The following HIP1 variants were observed in gnomAD, a reference collection of about 807,000 sequenced individuals.
The protein encoded by HIP1 is huntingtin interacting protein 1.
Under a neutral mutation model 147.6 loss-of-function variants are expected in HIP1, and 65 were observed. The observed-to-expected ratio is 0.44, with a 90% CI of 0.36 to 0.54. The LOEUF (loss-of-function observed/expected upper bound fraction) is 0.54, where lower values mean the gene tolerates loss of function less well. HIP1 is among the 20% of genes least tolerant of loss of function. The pLI is 0.00. For synonymous variants in HIP1, 479 were observed against 504.0 expected (o/e 0.95, Z 0.67); for missense variants, 1,061 against 1,299.6 (o/e 0.82, Z 2.82).
intron 5 of HIP1, among the ~76,000 whole-genome samples, chr7:75,584,626 C>G (rs1796184527): frequency 6.6e-6 from 1 of 152,042 alleles, no homozygotes; most frequent in Admixed American, 6.6e-5. Flanking sequence ...GCTATTGGCA[C>G]CAGCTGCTTC....
chr7:75,553,764 C>G (rs587681200), intron 21 of HIP1, among the ~76,000 whole-genome samples, 175 bp from the exon 22 acceptor site: 2 of 152,078 alleles, frequency 1.3e-5, no homozygotes, highest in Non-Finnish European at 2.9e-5. Context: ...CCACCATGCC[C>G]GGCTAATTTT....
intron 9 of HIP1, among the ~76,000 whole-genome samples, chr7:75,564,421 A>C (rs1455742078): frequency 6.6e-6 from 1 of 151,566 alleles, no homozygotes; most frequent in Non-Finnish European, 1.5e-5. Flanking sequence ...CAGCCTGCTG[A>C]GTTGCTGGGA....
chr7:75,555,324 C>T (rs1207480232), intron 19 of HIP1, 92 bp downstream of exon 19: 1 of 1,471,920 alleles, frequency 6.8e-7, no homozygotes, highest in Non-Finnish European at 9.4e-7. Flanking sequence ...GGGCTGAGAG[C>T]CCCTGAGCTA....
At chr7:75,569,938 A>C (rs1180062241) in intron 8 of HIP1, among the ~76,000 whole-genome samples, 1 of 145,648 alleles carries the variant, frequency 6.9e-6, no homozygotes, top group African/African-American at 2.6e-5. Flanking sequence ...TAAAGTACGA[A>C]CTTTTTTTTT....
intron 1 of HIP1, among the ~76,000 whole-genome samples, chr7:75,726,704 T>C (rs1270305289): frequency 8.8e-6 from 1 of 113,078 alleles, no homozygotes; most frequent in African/African-American, 3.0e-5. Context: ...AATGTTTTTC[T>C]TTTTTTTTTT....
At chr7:75,607,038 TG>T in intron 1 of HIP1, among the ~76,000 whole-genome samples, 1 of 151,760 alleles carries the variant, frequency 6.6e-6, no homozygotes, top group African/African-American at 2.4e-5. Context: ...GAGACCAGCC[TG>T]GGCAATAGAG....
chr7:75,608,264 G>A (rs1797301544), intron 1 of HIP1, among the ~76,000 whole-genome samples: 3 of 152,134 alleles, frequency 2.0e-5, no homozygotes, highest in Admixed American at 1.3e-4. Flanking sequence ...CCGAGATCAC[G>A]CCACTGCACT....
In HIP1 at chr7:75,595,255, C is replaced by CTTTCTTTTT. The variant is rs1491555852; in HGVS notation, c.185-2742_185-2741insAAAAAGAAA. 2.4e-3 allele frequency among the ~76,000 whole-genome samples: 161 copies of CTTTCTTTTT among 68,362 alleles called. 3 individuals are homozygous for CTTTCTTTTT. The highest frequency in any genetic ancestry group is 7.5e-3 in the African/African-American group (157 of 20,852). 44.8% of individuals were successfully genotyped at this position (68,362 alleles called of 152,430 possible). A position where few individuals can be genotyped will look rare whatever the true frequency, so the allele number is the denominator to read the frequency against. ...TTCTTTCTTTCTTTCTTTCTTTCTT[C>CTTTCTTTTT]CTTCCTTCCTTCCTTCCTTCCTTCC... On this transcript the variant is annotated intron_variant, in intron 2 of 30. Coordinates refer to ENST00000336926, the MANE Select transcript of HIP1 (RefSeq NM_005338.7).
chr7:75,549,215 A>T (rs1291208567), intron 22 of HIP1, among the ~76,000 whole-genome samples: 1 of 151,326 alleles, frequency 6.6e-6, no homozygotes, highest in African/African-American at 2.4e-5. Flanking sequence ...CTCAGGATCC[A>T]CCTCCTTCCA....
At chr7:75,615,570 G>A (rs1167135158) in intron 1 of HIP1, among the ~76,000 whole-genome samples, 3 of 151,972 alleles carry the variant, frequency 2.0e-5, no homozygotes, top group Non-Finnish European at 4.4e-5. Context: ...TAAAAAAGGT[G>A]GATCTTGTCC....
At chr7:75,667,876 G>T (rs532722162) in intron 1 of HIP1, among the ~76,000 whole-genome samples, 2 of 152,298 alleles carry the variant, frequency 1.3e-5, no homozygotes, top group African/African-American at 4.8e-5. Flanking sequence ...ATTGTAAGAC[G>T]CAATGCCAAT....
rs587601504 is a variant in HIP1 at position 75,634,319 on chromosome 7, T to C, written c.121-35072A>G. On this transcript the variant is annotated intron_variant, in intron 1 of 30. Coordinates refer to ENST00000336926, the MANE Select transcript of HIP1 (RefSeq NM_005338.7). Reference sequence around the variant, plus strand: ...ATTTACGAGGCTCAGAGTCCACATATAGACACTCATCCTTCTTTCCTAAGT... The same window carrying C: ...ATTTACGAGGCTCAGAGTCCACATACAGACACTCATCCTTCTTTCCTAAGT... 2.1e-3 allele frequency among the ~76,000 whole-genome samples: 318 copies of C among 151,758 alleles called. 4 individuals carry two copies. Among genetic ancestry groups the C allele is most frequent in the South Asian group, 0.016 (77 of 4,806 alleles).
At chr7:75,557,226 A>G (rs587628276) in intron 16 of HIP1, among the ~76,000 whole-genome samples, 2 of 151,838 alleles carry the variant, frequency 1.3e-5, no homozygotes, top group East Asian at 3.9e-4. Context: ...TTTAGTAGAG[A>G]TGGGGTTTCA....
intron 1 of HIP1, among the ~76,000 whole-genome samples, chr7:75,706,483 A>C (rs13232985): frequency 1.3e-5 from 1 of 79,874 alleles, no homozygotes; most frequent in African/African-American, 5.3e-5. Flanking sequence ...CTTTTTTTTT[A>C]TTTTTTTTTT....
chr7:75,664,085 T>TATGC (rs1799443506), intron 1 of HIP1, among the ~76,000 whole-genome samples: 2 of 111,190 alleles, frequency 1.8e-5, no homozygotes, highest in Admixed American at 1.0e-4. Flanking sequence ...CACACACATA[T>TATGC]ACACACATAT....
intron 1 of HIP1, among the ~76,000 whole-genome samples, chr7:75,629,699 C>T (rs1192957140): frequency 6.6e-6 from 1 of 152,086 alleles, no homozygotes; most frequent in Non-Finnish European, 1.5e-5. Flanking sequence ...TGAGCCACCA[C>T]GCCCAGCTAA....
At chr7:75,729,614 A>G (rs917519756) in intron 1 of HIP1, among the ~76,000 whole-genome samples, 3 of 151,956 alleles carry the variant, frequency 2.0e-5, no homozygotes, top group Non-Finnish European at 4.4e-5. Context: ...GGCAAAACCT[A>G]GTCTCTTCTA....
intron 1 of HIP1, among the ~76,000 whole-genome samples, chr7:75,689,593 T>G (rs1401038519): frequency 1.3e-5 from 2 of 152,200 alleles, no homozygotes; most frequent in Non-Finnish European, 2.9e-5. Context: ...TGTTCATAGA[T>G]ATACATTATA....
chr7:75,617,977 G>T (rs1420995484), intron 1 of HIP1, among the ~76,000 whole-genome samples: 1 of 152,230 alleles, frequency 6.6e-6, no homozygotes, highest in East Asian at 1.9e-4. Flanking sequence ...GAGCCAGACT[G>T]GAGTGGCCTT....
Sources: allele counts gnomAD v4.1 joint callset (sites outside exome capture counted in the v4.1 genomes callset), GRCh38; gene constraint gnomAD v4.1.1; transcripts MANE v1.5; gene names NCBI Gene and HGNC (gene_info 2026-07-23, HGNC 2026-07-21).